Variants in TMEM233 observed in about 807,000 individuals in gnomAD.
The protein encoded by TMEM233 is transmembrane protein 233.
In TMEM233, 6 loss-of-function variants were observed where a neutral mutation model predicts 11.2. The ratio of observed to expected loss-of-function variants is 0.54; its 90% confidence interval spans 0.29 to 1.06. The LOEUF (loss-of-function observed/expected upper bound fraction) is 1.06. Ranked by LOEUF, TMEM233 falls within the 50% of genes least tolerant of loss-of-function variation. TMEM233 has a pLI of 0.08. For missense variants in TMEM233, 127 were observed against 144.7 expected, an observed-to-expected ratio of 0.88 and a Z score of 0.63; for synonymous variants, 59 against 55.8, an observed-to-expected ratio of 1.06 and a Z score of -0.26.
At chr12:119,643,852 A>G (rs1955117032), downstream of TMEM233, among the ~76,000 whole-genome samples, 1 of 152,128 alleles carries the variant, frequency 6.6e-6, no homozygotes, top group Non-Finnish European at 1.5e-5. Context: ...CAGAAAAAGT[A>G]GAGTTTACCC....
chr12:119,601,273 T>C (rs1404410873), intron 1 of TMEM233, among the ~76,000 whole-genome samples: 2 of 152,136 alleles, frequency 1.3e-5, no homozygotes, highest in African/African-American at 2.4e-5. Flanking sequence ...TTCTCTCCAA[T>C]TCTGTAAACT....
chr12:119,635,321 A>G (rs1250428091), intron 2 of TMEM233, among the ~76,000 whole-genome samples: 1 of 152,190 alleles, frequency 6.6e-6, no homozygotes, highest in Non-Finnish European at 1.5e-5. Flanking sequence ...CCATTTCCTG[A>G]GTAGCCTGGA....
chr12:119,637,424 A>G (rs536892501), intron 2 of TMEM233, among the ~76,000 whole-genome samples: 1 of 152,338 alleles, frequency 6.6e-6, no homozygotes, highest in African/African-American at 2.4e-5. Flanking sequence ...CCCATTCTGT[A>G]CTGGGAAAGC....
rs1404152493 is a variant in TMEM233, at chr12:119,595,264, G to A, written c.186+1230G>A. Among the ~76,000 whole-genome samples the A allele has an allele frequency of 6.6e-6, 1 of 152,150 alleles. No individual in the cohort carries two copies. Among genetic ancestry groups the A allele is most frequent in the East Asian group, 1.9e-4 (1 of 5,186 alleles). On this transcript the variant is annotated intron_variant, in intron 1 of 2. Transcript: ENST00000426426. This position sits in a 1 kb window ranked among gnomAD's most constrained non-coding sequence, Gnocchi z 4.3. ...TGCAGTTGCGCTCCCTCCCCCACCGGCTCACCTCGCCTGCAGCTGGGCCAC... is the reference window on the plus strand; with the variant it reads ...TGCAGTTGCGCTCCCTCCCCCACCGACTCACCTCGCCTGCAGCTGGGCCAC...
intron 2 of TMEM233, among the ~76,000 whole-genome samples, chr12:119,634,729 C>A (rs1954941683): frequency 6.6e-6 from 1 of 152,118 alleles, no homozygotes; most frequent in African/African-American, 2.4e-5. Context: ...AAGCTGTAAC[C>A]AATGTGTTAG....
downstream of TMEM233, among the ~76,000 whole-genome samples, chr12:119,647,870 C>T (rs993750992): frequency 1.7e-4 from 25 of 145,642 alleles, no homozygotes; most frequent in Non-Finnish European, 1.6e-4. Context: ...TGAGAACATG[C>T]GGTGTTTTAA....
the TMEM233 span, among the ~76,000 whole-genome samples, chr12:119,650,124 C>T: frequency 6.7e-6 from 1 of 150,040 alleles, no homozygotes; most frequent in African/African-American, 2.5e-5. Context: ...CGCCACTGCA[C>T]TCCAGCCTGG....
At chr12:119,645,396 C>T (rs191866840), downstream of TMEM233, among the ~76,000 whole-genome samples, 16 of 143,186 alleles carry the variant, frequency 1.1e-4, 1 homozygote, top group African/African-American at 3.1e-4. Context: ...AAAATACTCA[C>T]GAATATTGAA....
chr12:119,618,673 C>CT (rs1387324705), intron 1 of TMEM233, among the ~76,000 whole-genome samples: 7 of 151,944 alleles, frequency 4.6e-5, no homozygotes, highest in Non-Finnish European at 1.0e-4. Context: ...CCTGTAGCCA[C>CT]TTTGTTTTGG....
chr12:119,649,567 G>A, the TMEM233 span, among the ~76,000 whole-genome samples: 6 of 152,142 alleles, frequency 3.9e-5, no homozygotes, highest in African/African-American at 1.4e-4. Context: ...ATGTTCTAGA[G>A]TAATAAACTT....
chr12:119,611,311 C>T (rs1458696113), intron 1 of TMEM233, among the ~76,000 whole-genome samples: 2 of 152,072 alleles, frequency 1.3e-5, no homozygotes, highest in African/African-American at 4.8e-5. Flanking sequence ...ACAAGGGTTC[C>T]AGTTTCTCTA....
intron 1 of TMEM233, among the ~76,000 whole-genome samples, chr12:119,598,670 A>G (rs1399685075): frequency 6.6e-6 from 1 of 152,172 alleles, no homozygotes. Context: ...CAAGCACACC[A>G]TTGCCTGAGA....
chr12:119,619,594 T>G (rs922632899), intron 1 of TMEM233, among the ~76,000 whole-genome samples: 1 of 150,906 alleles, frequency 6.6e-6, no homozygotes, highest in Non-Finnish European at 1.5e-5. Context: ...TGAGCCAAGA[T>G]CATGCCATTG....
intron 1 of TMEM233, among the ~76,000 whole-genome samples, chr12:119,614,296 A>G (rs190572456): frequency 6.6e-6 from 1 of 151,970 alleles, no homozygotes; most frequent in Non-Finnish European, 1.5e-5. Context: ...AATCCCAGCT[A>G]CTTGGCAGGC....
chr12:119,638,229 A>G (rs1955004466), intron 2 of TMEM233, among the ~76,000 whole-genome samples: 1 of 151,978 alleles, frequency 6.6e-6, no homozygotes, highest in Non-Finnish European at 1.5e-5. Context: ...GGAGGCAGAA[A>G]CAGGAGGATC....
intron 1 of TMEM233, among the ~76,000 whole-genome samples, chr12:119,601,932 A>G (rs1954177259): frequency 6.6e-6 from 1 of 152,156 alleles, no homozygotes; most frequent in Non-Finnish European, 1.5e-5. Flanking sequence ...AGACAGAGAA[A>G]TGCTCCTGAA....
intron 2 of TMEM233, among the ~76,000 whole-genome samples, chr12:119,637,552 C>A (rs112337222): frequency 6.6e-6 from 1 of 152,190 alleles, no homozygotes; most frequent in Non-Finnish European, 1.5e-5. Context: ...TTTGCAAAAG[C>A]TTAAAAGCAA....
downstream of TMEM233, among the ~76,000 whole-genome samples, chr12:119,646,689 G>A (rs977560911): frequency 6.6e-6 from 1 of 152,026 alleles, no homozygotes; most frequent in African/African-American, 2.4e-5. Context: ...TTTTCACACT[G>A]CATCTCTTTT....
chr12:119,600,210 G>T (rs1202546223), intron 1 of TMEM233, among the ~76,000 whole-genome samples: 1 of 123,842 alleles, frequency 8.1e-6, no homozygotes, highest in Admixed American at 7.8e-5. Flanking sequence ...AAAAAAAAAT[G>T]AAGTATAAGG....
Sources: allele counts gnomAD v4.1 joint callset (sites outside exome capture counted in the v4.1 genomes callset), GRCh38; gene constraint gnomAD v4.1.1; non-coding constraint Gnocchi (gnomAD v3.1); transcripts MANE v1.5; gene names NCBI Gene and HGNC (gene_info 2026-07-23, HGNC 2026-07-21).